SPATA31G1: variants seen among roughly 807,000 people sequenced by gnomAD.
The protein encoded by SPATA31G1 is spermatogenesis-associated protein 31G1.
chr9:35,044,159 T>C, the SPATA31G1 span: 10 of 1,614,044 alleles, frequency 6.2e-6, no homozygotes, highest in African/African-American at 1.3e-5. Flanking sequence ...TCTGGGCATC[T>C]GATTCCCCAG....
chr9:35,045,753 A>G, the SPATA31G1 span: 11 of 1,614,204 alleles, frequency 6.8e-6, no homozygotes, highest in South Asian at 1.1e-5. Flanking sequence ...TTGGGCCCAC[A>G]TGGAGAAGTA....
the SPATA31G1 span, chr9:35,045,766 T>C: frequency 3.8e-5 from 61 of 1,613,968 alleles, no homozygotes; most frequent in Non-Finnish European, 4.9e-5. Context: ...GAGAAGTATC[T>C]CTCCTTCCCT....
chr9:35,043,943 T>C, the SPATA31G1 span: 3 of 1,613,748 alleles, frequency 1.9e-6, no homozygotes, highest in African/African-American at 2.7e-5. Flanking sequence ...CAGAGCTCTC[T>C]GGAACCAGCC....
the SPATA31G1 span, chr9:35,045,376 C>T: frequency 6.2e-7 from 1 of 1,614,142 alleles, no homozygotes. Flanking sequence ...TATCTATCTC[C>T]AGGCCCAGGA....
At chr9:35,044,279 G>T in the SPATA31G1 span, 1 of 1,614,162 alleles carries the variant, frequency 6.2e-7, no homozygotes, top group South Asian at 1.1e-5. Flanking sequence ...AGCATTCCAG[G>T]AATTCCTCGG....
At chr9:35,041,330 T>C in the SPATA31G1 span, 1 of 220,926 alleles carries the variant, frequency 4.5e-6, no homozygotes, top group Non-Finnish European at 9.3e-6. Flanking sequence ...GGTCTTTGAA[T>C]AAATTTTGCT....
At chr9:35,045,203 C>T in the SPATA31G1 span, 1 of 1,614,200 alleles carries the variant, frequency 6.2e-7, no homozygotes, top group Non-Finnish European at 8.5e-7. Flanking sequence ...CTCAGCCTGT[C>T]CAGTCCTCCC....
At chr9:35,044,897 G>C in the SPATA31G1 span, 1 of 1,614,110 alleles carries the variant, frequency 6.2e-7, no homozygotes. Context: ...CGTGCCCAGG[G>C]GTTAAGGCAG....
the SPATA31G1 span, chr9:35,044,155 C>G: frequency 6.2e-7 from 1 of 1,614,166 alleles, no homozygotes; most frequent in Non-Finnish European, 8.5e-7. Flanking sequence ...AACCTCTGGG[C>G]ATCTGATTCC....
At chr9:35,042,048 G>T in the SPATA31G1 span, 2 of 692,704 alleles carry the variant, frequency 2.9e-6, no homozygotes, top group South Asian at 2.0e-5. Context: ...TAACCACAAT[G>T]CCTGAAGCAT....
At chr9:35,041,146 T>C in the SPATA31G1 span, 8 of 454,162 alleles carry the variant, frequency 1.8e-5, no homozygotes, top group South Asian at 1.2e-4. Flanking sequence ...ACTTGTGGAA[T>C]GCTGAGAAAG....
the SPATA31G1 span, chr9:35,045,632 C>A: frequency 6.2e-7 from 1 of 1,614,236 alleles, no homozygotes; most frequent in Admixed American, 1.7e-5. Context: ...GCTCTCAACA[C>A]ACTGCTCTTC....
At chr9:35,045,268 C>T in the SPATA31G1 span, 47 of 1,613,862 alleles carry the variant, frequency 2.9e-5, no homozygotes, top group Admixed American at 1.2e-4. Flanking sequence ...TCTGGCAGGG[C>T]GGAACAAGGG....
the SPATA31G1 span, chr9:35,044,802 C>A: frequency 6.2e-7 from 1 of 1,614,166 alleles, no homozygotes; most frequent in Non-Finnish European, 8.5e-7. Flanking sequence ...GGCAGTGGAT[C>A]CCCTACACCC....
chr9:35,045,053 A>C, the SPATA31G1 span: 1 of 1,614,038 alleles, frequency 6.2e-7, no homozygotes, highest in Non-Finnish European at 8.5e-7. Flanking sequence ...CAAGTCAATC[A>C]TTTTGCAGCT....
chr9:35,045,780 C>G, the SPATA31G1 span: 148 of 1,614,088 alleles, frequency 9.2e-5, no homozygotes, highest in Non-Finnish European at 1.2e-4. Context: ...CTTCCCTACC[C>G]TCAAGGCTTC....
chr9:35,042,857 C>T, the SPATA31G1 span: 2 of 1,609,526 alleles, frequency 1.2e-6, no homozygotes, highest in African/African-American at 2.7e-5. Flanking sequence ...TATCTACTTC[C>T]CAGGAACTAC....
the SPATA31G1 span, chr9:35,044,574 T>C: frequency 2.5e-6 from 4 of 1,614,138 alleles, no homozygotes; most frequent in Admixed American, 6.7e-5. Flanking sequence ...CAGCCCATCC[T>C]CAAACTCTGT....
the SPATA31G1 span, chr9:35,044,818 C>T: frequency 2.5e-6 from 4 of 1,614,156 alleles, no homozygotes; most frequent in Admixed American, 1.7e-5. Flanking sequence ...CACCCAGTAC[C>T]CCAGCCTCCC....
Sources: gnomAD v4.1 joint callset for allele counts on GRCh38, gnomAD v4.1.1 for gene constraint, MANE v1.5 for transcripts, NCBI Gene and HGNC (gene_info 2026-07-23, HGNC 2026-07-21) for gene names.